EGFLAM: variants seen among roughly 807,000 people sequenced by gnomAD.
The protein encoded by EGFLAM is EGF like, fibronectin type III and laminin G domains, also known as pikachurin.
Under a neutral mutation model 113.1 loss-of-function variants are expected in EGFLAM, and 79 were observed. The ratio of observed to expected loss-of-function variants is 0.70; its 90% CI spans 0.58 to 0.84. The LOEUF (loss-of-function observed/expected upper bound fraction) is 0.84. EGFLAM is among the 40% of genes least tolerant of loss of function. EGFLAM has a pLI of 0.00. For synonymous variants in EGFLAM, 504 were observed against 487.6 expected, an observed-to-expected ratio of 1.03 and a Z score of -0.44; for missense variants, 1,265 against 1,291.6, an observed-to-expected ratio of 0.98 and a Z score of 0.32.
chr5:38,404,889 T>C (rs968359729), intron 6 of EGFLAM, among the ~76,000 whole-genome samples: 1 of 152,184 alleles, frequency 6.6e-6, no homozygotes, highest in African/African-American at 2.4e-5. Context: ...GTGTTTCCCA[T>C]GTGCAACCTA....
intron 1 of EGFLAM, among the ~76,000 whole-genome samples, chr5:38,316,033 C>T (rs892750412): frequency 6.1e-5 from 9 of 148,236 alleles, no homozygotes; most frequent in Admixed American, 1.4e-4. Flanking sequence ...GCTCAGATCG[C>T]GCCACTGCAC....
In EGFLAM at chr5:38,463,878, A is replaced by T; in HGVS notation, c.2922A>T (p.Arg974Ser). 6.2e-7 allele frequency: 1 copy of T among 1,614,214 alleles called. No individual in the cohort carries two copies. The highest frequency in any genetic ancestry group is 8.5e-7 in the Non-Finnish European group (1 of 1,180,034). ...IALHTNRQYM[R>S]GLVGCISHFT... ...TGCACACTAACAGGCAATATATGAG[A>T]GGGCTCGTGGGCTGTATCTCTCACT... The change falls in exon 22 of 22, where the codon AGA (arginine) becomes AGT (serine). Residue 974 changes from arginine (R) to serine (S), a missense_variant. Coordinates refer to ENST00000322350, the MANE Select transcript of EGFLAM (RefSeq NM_152403.4).
chr5:38,296,367 A>G (rs1201318360), intron 1 of EGFLAM, among the ~76,000 whole-genome samples: 4 of 152,148 alleles, frequency 2.6e-5, no homozygotes, highest in Admixed American at 6.6e-5. Flanking sequence ...CGTAAGTTGA[A>G]TAGTCTGGAT....
rs1171276458 is a variant in EGFLAM, at chr5:38,442,156, A to T, written c.2464+3701A>T. On this transcript the variant is annotated intron_variant, in intron 17 of 21. Transcript: ENST00000322350. ...GTTTTAGGTCCCAGTGTATATATAT[A>T]AAAAAAGCTTCTGTAAATATAAGAA... Among the ~76,000 whole-genome samples the T allele has an allele frequency of 4.6e-5, 7 of 152,112 alleles. No homozygotes were observed. In the South Asian group the frequency reaches 1.0e-3, roughly 23 times the overall value.
intron 1 of EGFLAM, among the ~76,000 whole-genome samples, chr5:38,336,135 A>T (rs1286471667): frequency 6.6e-6 from 1 of 152,224 alleles, no homozygotes; most frequent in East Asian, 1.9e-4. Context: ...TTATATGGAA[A>T]AATTTACAGC....
chr5:38,385,905 G>A (rs565821769), intron 6 of EGFLAM, among the ~76,000 whole-genome samples: 12 of 152,272 alleles, frequency 7.9e-5, no homozygotes, highest in Non-Finnish European at 1.3e-4. Context: ...AAACCTAGAC[G>A]GTATAGCCTA....
chr5:38,426,978 G>A, intron 13 of EGFLAM, 31 bp from the exon 14 acceptor site: 1 of 1,610,438 alleles, frequency 6.2e-7, no homozygotes. Flanking sequence ...CTGCCACAGA[G>A]GGATTTCTAA....
chr5:38,462,869 GC>G, intron 20 of EGFLAM, 38 bp from the exon 21 acceptor site: 2 of 1,605,244 alleles, frequency 1.2e-6, no homozygotes, highest in African/African-American at 1.3e-5. Flanking sequence ...CTCCAAAAAT[GC>G]CAGGCTTTTT....
intron 12 of EGFLAM, among the ~76,000 whole-genome samples, chr5:38,422,162 C>T (rs1272601567): frequency 2.6e-5 from 4 of 152,106 alleles, no homozygotes; most frequent in African/African-American, 4.8e-5. Context: ...ATTCTTTCCC[C>T]TCCTTAGGAG....
chr5:38,362,409 G>C (rs908861398), intron 5 of EGFLAM, among the ~76,000 whole-genome samples: 1 of 152,152 alleles, frequency 6.6e-6, no homozygotes, highest in African/African-American at 2.4e-5. Flanking sequence ...GAGTGATGTA[G>C]TCTGGTGTTG....
rs1376956895 is a variant in EGFLAM at position 38,350,503 on chromosome 5, G to A, written c.294G>A (p.Glu98=). 2 of 1,613,620 alleles carry A rather than the reference G, an allele frequency of 1.2e-6. No individual in the cohort carries two copies. The highest frequency in any genetic ancestry group is 1.7e-6 in the Non-Finnish European group (2 of 1,179,732). ...VPLSRDIPTT[E]EVIGDLKPGT... ...CTTTCTTGTTTGGTCATTGACAGGA[G>A]GAAGTGATTGGAGATTTGAAACCAG... The change falls in exon 4 of 22, where the codon GAG becomes GAA. Residue 98 remains glutamate, a splice_region_variant and synonymous_variant. Transcript: ENST00000322350.
At chr5:38,398,598 A>G (rs1741022547) in intron 6 of EGFLAM, among the ~76,000 whole-genome samples, 1 of 152,202 alleles carries the variant, frequency 6.6e-6, no homozygotes, top group African/African-American at 2.4e-5. Context: ...CAGCATTTGC[A>G]AAGGCCTTGA....
intron 1 of EGFLAM, among the ~76,000 whole-genome samples, chr5:38,263,488 A>C (rs562715915): frequency 6.6e-6 from 1 of 152,028 alleles, no homozygotes; most frequent in Non-Finnish European, 1.5e-5. Context: ...AAACATTGGG[A>C]TGTTTATTTT....
At chr5:38,416,066 T>TA (rs902574762) in intron 11 of EGFLAM, among the ~76,000 whole-genome samples, 6 of 151,464 alleles carry the variant, frequency 4.0e-5, no homozygotes, top group Admixed American at 6.6e-5. Context: ...GTTTTTTTTT[T>TA]AAAAAAATAA....
chr5:38,350,116 A>G (rs959433324), intron 3 of EGFLAM, among the ~76,000 whole-genome samples: 19 of 152,316 alleles, frequency 1.2e-4, no homozygotes, highest in Admixed American at 1.2e-3. Context: ...AGCTGCAGCT[A>G]TTCTCTGAGC....
At chr5:38,416,622 G>T (rs1319236659) in intron 11 of EGFLAM, among the ~76,000 whole-genome samples, 3 of 152,180 alleles carry the variant, frequency 2.0e-5, no homozygotes, top group Non-Finnish European at 4.4e-5. Flanking sequence ...CCCCTACAAG[G>T]CACTTTATGC....
intron 1 of EGFLAM, among the ~76,000 whole-genome samples, chr5:38,264,947 TATCTA>T: frequency 6.6e-6 from 1 of 152,352 alleles, no homozygotes; most frequent in East Asian, 1.9e-4. Flanking sequence ...TTCAACATCT[TATCTA>T]ATCTTCATAA....
At chr5:38,365,227 A>C (rs751917195) in intron 5 of EGFLAM, among the ~76,000 whole-genome samples, 2 of 152,216 alleles carry the variant, frequency 1.3e-5, no homozygotes, top group African/African-American at 2.4e-5. Flanking sequence ...TGAGAGGTGA[A>C]ATAGAATAGA....
At chr5:38,349,371 C>T (rs1222444633) in intron 3 of EGFLAM, among the ~76,000 whole-genome samples, 1 of 152,108 alleles carries the variant, frequency 6.6e-6, no homozygotes, top group African/African-American at 2.4e-5. Context: ...AGGAAGGTTC[C>T]CACATGCCCA....
Sources: allele counts gnomAD v4.1 joint callset (sites outside exome capture counted in the v4.1 genomes callset), GRCh38; gene constraint gnomAD v4.1.1; transcripts MANE v1.5; gene names NCBI Gene and HGNC (gene_info 2026-07-23, HGNC 2026-07-21).